The following NSD3 variants were observed in gnomAD, a reference collection of about 807,000 sequenced individuals.
NSD3 encodes the protein nuclear receptor binding SET domain protein 3.
NSD3 carries 24 observed loss-of-function variants against 160.8 expected under a neutral mutation model. That is an observed-to-expected ratio of 0.15 (90% CI 0.11 to 0.21). The LOEUF is 0.21. Among genes scored for constraint, NSD3 ranks in the 10% least tolerant of loss-of-function variants. NSD3 has a pLI of 1.00. For synonymous variants in NSD3, 520 were observed against 600.0 expected (o/e 0.87, Z 1.95); for missense variants, 1,157 against 1,735.9 (o/e 0.67, Z 5.93).
chr8:38,319,059 CTG>C lies in NSD3; in HGVS notation c.1810-121_1810-120del. 1 of 912,430 alleles carries C rather than the reference CTG, an allele frequency of 1.1e-6. No individual in the cohort carries two copies. Among genetic ancestry groups the C allele is most frequent in the Non-Finnish European group, 1.7e-6 (1 of 592,432 alleles). 56.5% of individuals were successfully genotyped at this position (912,430 alleles called of 1,614,324 possible). ...GATGAGTGATTAATGTATCTGAAAT[CTG>C]AACTCAGTCCCATCTTTTGGGTAAA... On this transcript the variant is annotated intron_variant, in intron 8 of 23. Coordinates refer to ENST00000317025, the MANE Select transcript of NSD3 (RefSeq NM_023034.2). The surrounding 1 kb of genome is among the most constrained non-coding windows in gnomAD (Gnocchi z 4.1).
chr8:38,308,177 T>G (rs1157552870), intron 12 of NSD3, among the ~76,000 whole-genome samples: 2 of 152,242 alleles, frequency 1.3e-5, no homozygotes, highest in African/African-American at 4.8e-5. Flanking sequence ...GCATTATTGT[T>G]CTTTGATTCT....
Position 38,347,566 on chromosome 8 carries a change from C to T in NSD3, c.606G>A (p.Lys202=). ...GCTCTTCAGATCTTGATGAGTCATG[C>T]TTGTTGCTTTTTTTCCTCTTTTCTT... ...SRKEKRKKSN[K]HDSSRSEERK... is the part of the protein sequence containing the mutation. The change falls in exon 2 of 24, where the codon AAG becomes AAA. Residue 202 remains lysine, a synonymous_variant. Coordinates refer to ENST00000317025, the MANE Select transcript of NSD3 (RefSeq NM_023034.2). 1 of 1,613,980 alleles carries T rather than the reference C, an allele frequency of 6.2e-7. No homozygotes were observed. The highest frequency in any genetic ancestry group is 8.5e-7 in the Non-Finnish European group (1 of 1,179,998).
rs1000366334 is a variant in NSD3 at position 38,270,423 on chromosome 8, A to C, written c.*5218T>G. 1 of 152,248 alleles carries C rather than the reference A, an allele frequency of 6.6e-6. No homozygotes were observed. Among genetic ancestry groups the C allele is most frequent in the Non-Finnish European group, 1.5e-5 (1 of 68,050 alleles). The allele number at this position is 152,248 out of a possible 1,614,324, so 9.4% of individuals were successfully genotyped here. A position where few individuals can be genotyped will look rare whatever the true frequency, so the allele number is the denominator to read the frequency against. On this transcript the variant is annotated 3_prime_UTR_variant, in exon 24 of 24. Transcript: ENST00000317025. ...TGAGTTTCTCATATCAATTCCAAAT[A>C]TACACATACCCTTGTATATAAAAAA... is the stretch of plus-strand genomic sequence containing the variant.
At chr8:38,326,496 T>A (rs1331345185) in intron 7 of NSD3, among the ~76,000 whole-genome samples, 1 of 152,260 alleles carries the variant, frequency 6.6e-6, no homozygotes, top group Non-Finnish European at 1.5e-5. Context: ...TATACACTTT[T>A]AATTATAGAA....
chr8:38,307,767 T>G (rs1014872239), intron 12 of NSD3, among the ~76,000 whole-genome samples: 6 of 152,178 alleles, frequency 3.9e-5, no homozygotes, highest in Admixed American at 3.9e-4. Context: ...GGACTGGAAC[T>G]AAGTAAGGGC....
intron 16 of NSD3, among the ~76,000 whole-genome samples, chr8:38,291,277 G>T (rs933014147): frequency 7.2e-5 from 11 of 152,114 alleles, no homozygotes; most frequent in Non-Finnish European, 1.3e-4. Flanking sequence ...AACTGTTTCA[G>T]GCTATGATAA....
chr8:38,294,869 C>T (rs887959221), intron 16 of NSD3, among the ~76,000 whole-genome samples: 1 of 151,230 alleles, frequency 6.6e-6, no homozygotes, highest in African/African-American at 2.4e-5. Context: ...TTTGGCCGGG[C>T]GTGGTGGCTC....
chr8:38,330,101 C>T (rs1480337732), intron 5 of NSD3, among the ~76,000 whole-genome samples: 1 of 152,188 alleles, frequency 6.6e-6, no homozygotes, highest in East Asian at 1.9e-4. Context: ...TATATCCTTC[C>T]TTTGCTGATC....
At chr8:38,304,979 C>T (rs1809363583) in intron 13 of NSD3, among the ~76,000 whole-genome samples, 1 of 152,118 alleles carries the variant, frequency 6.6e-6, no homozygotes, top group Non-Finnish European at 1.5e-5. Flanking sequence ...ATTATTTGTT[C>T]CAATGCTGCA....
intron 1 of NSD3, among the ~76,000 whole-genome samples, chr8:38,372,840 G>A (rs1418941979): frequency 2.0e-5 from 3 of 148,648 alleles, no homozygotes; most frequent in Non-Finnish European, 3.0e-5. Flanking sequence ...ACCACCAGCC[G>A]GGCGCGGCGG....
Position 38,288,552 on chromosome 8 carries a change from C to T in NSD3, c.3436G>A (p.Asp1146Asn). Residue 1146 changes from aspartate to asparagine, a missense_variant, in exon 19 of 24, where the codon GAT (aspartate) becomes AAT (asparagine). Coordinates refer to ENST00000317025, the MANE Select transcript of NSD3 (RefSeq NM_023034.2). This position sits in a 1 kb window ranked among gnomAD's most constrained non-coding sequence, Gnocchi z 4.5. ...NQCFTKRLYP[D>N]AEIIKTERRG... is the part of the protein sequence containing the mutation. ...CGCTCCGTTTTGATGATCTCTGCAT[C>T]AGGGTATAGTCTCTTTGTAAAGCAC... 6.2e-7 allele frequency: 1 copy of T among 1,614,178 alleles called. No individual in the cohort carries two copies. The highest frequency in any genetic ancestry group is 8.5e-7 in the Non-Finnish European group (1 of 1,180,034).
At chr8:38,344,816 G>T (rs962045609) in intron 2 of NSD3, among the ~76,000 whole-genome samples, 10 of 152,056 alleles carry the variant, frequency 6.6e-5, no homozygotes, top group African/African-American at 2.4e-4. Context: ...TGCTTCTTTG[G>T]GCTTCCTTTT....
intron 19 of NSD3, 45 bp from the exon 20 acceptor site, chr8:38,281,628 A>G (rs1288099860): frequency 7.4e-7 from 1 of 1,346,314 alleles, no homozygotes; most frequent in African/African-American, 1.5e-5. Context: ...AGTGTATTAT[A>G]TAAAGCATTG....
In NSD3 at chr8:38,275,751, G is replaced by A. The variant is rs777636603; in HGVS notation, c.4204C>T (p.Arg1402Cys). The change falls in exon 24 of 24, where the codon CGC (arginine) becomes TGC (cysteine). Residue 1402 changes from arginine to cysteine, a missense_variant. Arg to Cys is a radical substitution (Grantham distance 180, BLOSUM62 -3). Coordinates refer to ENST00000317025, the MANE Select transcript of NSD3 (RefSeq NM_023034.2). ...GALVPSALEG[R>C]LCCSEHDPMA... ...GGGTCATGTTCCGAGCAGCAGAGGC[G>A]GCCTTCCAGTGCAGAGGGAACCAGG... 2.5e-6 allele frequency: 4 copies of A among 1,614,130 alleles called. No homozygotes were observed. Among genetic ancestry groups the A allele is most frequent in the Non-Finnish European group, 3.4e-6 (4 of 1,180,026 alleles).
intron 19 of NSD3, among the ~76,000 whole-genome samples, chr8:38,287,533 T>G (rs2130990635): frequency 6.6e-6 from 1 of 152,314 alleles, no homozygotes; most frequent in African/African-American, 2.4e-5. Context: ...GATGAGGAGA[T>G]GAAGAATTGA....
chr8:38,323,566 C>T (rs1809840591), intron 7 of NSD3, among the ~76,000 whole-genome samples: 1 of 151,652 alleles, frequency 6.6e-6, no homozygotes, highest in Non-Finnish European at 1.5e-5. Context: ...GTCTGTAATC[C>T]CAACACTTCA....
At chr8:38,367,665 T>C (rs1234718858) in intron 1 of NSD3, among the ~76,000 whole-genome samples, 1 of 152,074 alleles carries the variant, frequency 6.6e-6, no homozygotes, top group African/African-American at 2.4e-5. Flanking sequence ...TGAGCTGAGA[T>C]TGTGCCACTG....
Position 38,299,428 on chromosome 8 carries a change from C to T in NSD3, c.2758+16G>A. On this transcript the variant is annotated intron_variant, in intron 15 of 23. Coordinates refer to ENST00000317025, the MANE Select transcript of NSD3 (RefSeq NM_023034.2). ...AATGCAAAAATAAAAGCAAGAGAAA[C>T]TATTTTGATTATTACCTTTCTCACA... is the stretch of plus-strand genomic sequence containing the variant. The T allele has an allele frequency of 3.1e-6, 5 of 1,601,672 alleles. No individual in the cohort carries two copies. The highest frequency in any genetic ancestry group is 4.3e-6 in the Non-Finnish European group (5 of 1,175,314).
chr8:38,377,321 G>A (rs1811418404), intron 1 of NSD3, among the ~76,000 whole-genome samples: 1 of 151,824 alleles, frequency 6.6e-6, no homozygotes, highest in Admixed American at 6.6e-5. Context: ...CCCAAAGTGC[G>A]GGAATTACAG....
Sources: allele counts gnomAD v4.1 joint callset (sites outside exome capture counted in the v4.1 genomes callset), GRCh38; gene constraint gnomAD v4.1.1; non-coding constraint Gnocchi (gnomAD v3.1); transcripts MANE v1.5; gene names NCBI Gene and HGNC (gene_info 2026-07-23, HGNC 2026-07-21).